PIGU: variants seen among roughly 807,000 people sequenced by gnomAD.
PIGU encodes GPI-anchor transamidase component PIGU.
In PIGU, 24 loss-of-function variants were observed where a neutral mutation model predicts 49.9. The ratio of observed to expected loss-of-function variants is 0.48; its 90% CI spans 0.35 to 0.68. PIGU has a LOEUF of 0.68. Among genes scored for constraint, PIGU ranks in the 30% least tolerant of loss-of-function variants. PIGU has a pLI of 0.01. For missense variants in PIGU, 490 were observed against 532.6 expected, an observed-to-expected ratio of 0.92 and a Z score of 0.79; for synonymous variants, 220 against 205.7, an observed-to-expected ratio of 1.07 and a Z score of -0.59.
At position 34,617,178 on chromosome 20, in the gene PIGU, CCACA is replaced by C. The variant is rs1384015442; in HGVS notation, c.530-1043_530-1040del. ...GAAGCGAAATGTGGGGTCGGAGCCC[CCACA>C]CAGAGTCCCTACTGGGGCACCACCC... On this transcript the variant is annotated intron_variant, in intron 6 of 11. Transcript: ENST00000217446. 7.2e-5 allele frequency among the ~76,000 whole-genome samples: 11 copies of C among 152,206 alleles called. 1 individual carries two copies. Among genetic ancestry groups the C allele is most frequent in the Non-Finnish European group, 1.3e-4 (9 of 68,030 alleles).
At chr20:34,642,035 T>C (rs967828802) in intron 4 of PIGU, among the ~76,000 whole-genome samples, 1 of 152,208 alleles carries the variant, frequency 6.6e-6, no homozygotes, top group East Asian at 1.9e-4. Flanking sequence ...CTTTAAATCA[T>C]GCAAAGAAAA....
At chr20:34,633,335 G>A (rs1235941423) in intron 6 of PIGU, among the ~76,000 whole-genome samples, 1 of 151,928 alleles carries the variant, frequency 6.6e-6, no homozygotes, top group East Asian at 1.9e-4. Context: ...ATGATGGAGG[G>A]TGCTTGTAGT....
In PIGU at chr20:34,657,071, T is replaced by C. The variant is rs1568661713; in HGVS notation, c.195+109A>G. The stretch of plus-strand genomic sequence containing the variant: ...AAAAACGGGCTGTTTCTAAATATGA[T>C]CGTCAAGAATACATCTTTTTAAATG... On this transcript the variant is annotated intron_variant, in intron 2 of 11. Transcript: ENST00000217446. 16 of 860,048 alleles carry C rather than the reference T, an allele frequency of 1.9e-5. No homozygotes were observed. The South Asian group carries it at 2.6e-4, about 14-fold the overall frequency. The allele number at this position is 860,048 out of a possible 1,614,324, so 53.3% of individuals were successfully genotyped here.
intron 10 of PIGU, among the ~76,000 whole-genome samples, chr20:34,579,854 G>A (rs1983389241): frequency 6.6e-6 from 1 of 152,196 alleles, no homozygotes; most frequent in Non-Finnish European, 1.5e-5. Flanking sequence ...TACCAAGCCC[G>A]AAGCTCTGAT....
intron 11 of PIGU, among the ~76,000 whole-genome samples, chr20:34,568,148 C>T (rs879390007): frequency 5.3e-5 from 8 of 152,186 alleles, no homozygotes; most frequent in African/African-American, 1.7e-4. Context: ...CTGAGGCCAG[C>T]GAGCCAGGAC....
rs930622195 is a variant in PIGU, at chr20:34,615,917, T to C, written c.627+125A>G. 2.1e-6 allele frequency: 3 copies of C among 1,397,138 alleles called. No homozygotes were observed. The African/African-American group carries it at 4.4e-5, about 21-fold the overall frequency. 86.5% of individuals were successfully genotyped at this position (1,397,138 alleles called of 1,614,324 possible). ...AGTTAGTCAAGTTTCTATGTGTTTA[T>C]ATTTTCAACTGGGAGCAAGCTTCCC... On this transcript the variant is annotated intron_variant, in intron 7 of 11. Coordinates refer to ENST00000217446, the MANE Select transcript of PIGU (RefSeq NM_080476.5).
intron 11 of PIGU, 95 bp downstream of exon 11, chr20:34,575,009 C>A (rs1202141927): frequency 2.0e-6 from 3 of 1,466,964 alleles, no homozygotes; most frequent in East Asian, 2.3e-5. Flanking sequence ...CACGTCTGCA[C>A]CCCCCGGTAT....
At chr20:34,567,271 C>G (rs1982812511) in intron 11 of PIGU, among the ~76,000 whole-genome samples, 1 of 152,320 alleles carries the variant, frequency 6.6e-6, no homozygotes, top group South Asian at 2.1e-4. Flanking sequence ...CAGGCCGGAG[C>G]GGACATTATG....
At chr20:34,613,993 T>C (rs898903805) in intron 7 of PIGU, among the ~76,000 whole-genome samples, 2 of 152,132 alleles carry the variant, frequency 1.3e-5, no homozygotes, top group South Asian at 2.1e-4. Context: ...TAAAGCAACA[T>C]ACTTGAAGAA....
intron 11 of PIGU, among the ~76,000 whole-genome samples, chr20:34,565,577 G>T (rs2146689684): frequency 6.6e-6 from 1 of 152,132 alleles, no homozygotes. Flanking sequence ...TAGTCTTTGT[G>T]CCAGTTAGGA....
intron 2 of PIGU, among the ~76,000 whole-genome samples, chr20:34,646,115 T>G (rs1158037194): frequency 2.0e-5 from 3 of 152,170 alleles, no homozygotes; most frequent in Non-Finnish European, 4.4e-5. Flanking sequence ...TCAGAAAGAT[T>G]AATGTTATTT....
chr20:34,631,987 G>A (rs945819155), intron 6 of PIGU, among the ~76,000 whole-genome samples: 13 of 148,798 alleles, frequency 8.7e-5, no homozygotes, highest in Admixed American at 1.4e-4. Flanking sequence ...CTATAGGCAC[G>A]TGCCACCACA....
At chr20:34,586,844 AG>A (rs1249415842) in intron 8 of PIGU, among the ~76,000 whole-genome samples, 4 of 152,150 alleles carry the variant, frequency 2.6e-5, no homozygotes, top group Admixed American at 1.3e-4. Context: ...TTTAGAATTG[AG>A]CCCAAACCTC....
intron 1 of PIGU, among the ~76,000 whole-genome samples, chr20:34,668,479 AAAAAGG>A (rs1221351628): frequency 3.0e-5 from 4 of 131,866 alleles, no homozygotes; most frequent in African/African-American, 1.3e-4. Context: ...AAAAAAAAAA[AAAAAGG>A]GGGGGGCGGG....
At chr20:34,600,364 G>A (rs917307733) in intron 7 of PIGU, among the ~76,000 whole-genome samples, 3 of 151,838 alleles carry the variant, frequency 2.0e-5, no homozygotes, top group African/African-American at 4.8e-5. Context: ...CCGAGATCAT[G>A]CCATTGCACT....
chr20:34,567,124 G>A (rs1982801852), intron 11 of PIGU, among the ~76,000 whole-genome samples: 2 of 152,242 alleles, frequency 1.3e-5, no homozygotes, highest in African/African-American at 2.4e-5. Context: ...ACGCTGGGGG[G>A]AATGCATGTG....
rs1289634867 is a variant in PIGU, at chr20:34,664,897, C to A, written c.131-7653G>T. Among the ~76,000 whole-genome samples the A allele has an allele frequency of 2.0e-5, 3 of 151,798 alleles. No individual in the cohort carries two copies. The East Asian group carries it at 5.9e-4, about 30-fold the overall frequency. On this transcript the variant is annotated intron_variant, in intron 1 of 11. Transcript: ENST00000217446. Reference sequence around the variant, plus strand: ...CAGCAGGCTGAGGTGGGAGGATTACCTGAGCCCAAGAGTTCAAGGCTGCAG... The same window carrying A: ...CAGCAGGCTGAGGTGGGAGGATTACATGAGCCCAAGAGTTCAAGGCTGCAG...
chr20:34,608,289 G>C (rs1047117587), intron 7 of PIGU, among the ~76,000 whole-genome samples: 3 of 152,044 alleles, frequency 2.0e-5, no homozygotes. Flanking sequence ...GTCCAGGCTG[G>C]TCTGGAACTA....
rs375654712 is a variant in PIGU, at chr20:34,566,043, C to G, written c.1195-5064G>C. Reference sequence around the variant, plus strand: ...ACACACACAGATGCACACACATACACGCACGCTCTCACTGCTCACATGCTC... The same window carrying G: ...ACACACACAGATGCACACACATACAGGCACGCTCTCACTGCTCACATGCTC... On this transcript the variant is annotated intron_variant, in intron 11 of 11. Transcript: ENST00000217446. Among the ~76,000 whole-genome samples, 5 of 151,364 alleles carry G rather than the reference C, an allele frequency of 3.3e-5. No homozygotes were observed. The East Asian group carries it at 9.7e-4, about 29-fold the overall frequency.
Sources: gnomAD v4.1 joint callset for allele counts (sites outside exome capture counted in the v4.1 genomes callset) on GRCh38, gnomAD v4.1.1 for gene constraint, MANE v1.5 for transcripts, NCBI Gene and HGNC (gene_info 2026-07-23, HGNC 2026-07-21) for gene names.